Variants in LINGO2 observed in about 807,000 individuals in gnomAD.
LINGO2 encodes the protein leucine-rich repeat and immunoglobulin-like domain-containing nogo receptor-interacting protein 2.
A neutral mutation model predicts 30.6 loss-of-function variants in LINGO2; 14 were observed. The ratio of observed to expected loss-of-function variants is 0.46; its 90% confidence interval spans 0.30 to 0.72. The LOEUF (loss-of-function observed/expected upper bound fraction) is 0.72. Ranked by LOEUF, LINGO2 falls within the 30% of genes least tolerant of loss-of-function variation. The pLI, the probability that LINGO2 is intolerant of heterozygous loss-of-function variation, is 0.07. For missense variants in LINGO2, 729 were observed against 751.7 expected, an observed-to-expected ratio of 0.97 and a Z score of 0.35; for synonymous variants, 317 against 288.5, an observed-to-expected ratio of 1.10 and a Z score of -1.00.
chr9:28,433,949 C>CTCTCTATATATATATATATA (rs1225323260), intron 2 of LINGO2, among the ~76,000 whole-genome samples: 17 of 88,536 alleles, frequency 1.9e-4, no homozygotes, highest in African/African-American at 7.2e-4. Context: ...CTCTCTCTCT[C>CTCTCTATATATATATATATA]TATATATATA....
At chr9:28,477,031 AAG>A (rs1230926280) in intron 1 of LINGO2, among the ~76,000 whole-genome samples, 3 of 152,180 alleles carry the variant, frequency 2.0e-5, no homozygotes, top group Admixed American at 2.0e-4. Flanking sequence ...GAACCACAGA[AAG>A]AGAGAAAGAT....
chr9:28,361,342 G>A (rs998346227), intron 3 of LINGO2, among the ~76,000 whole-genome samples: 18 of 152,058 alleles, frequency 1.2e-4, no homozygotes, highest in Non-Finnish European at 2.5e-4. Flanking sequence ...TGTATGTATA[G>A]GGAAAAACAT....
chr9:29,185,008 C>T, the LINGO2 span, among the ~76,000 whole-genome samples: 1 of 152,120 alleles, frequency 6.6e-6, no homozygotes, highest in African/African-American at 2.4e-5. Flanking sequence ...TTGTTGTTTT[C>T]ATAAGTCTAA....
chr9:29,078,541 G>C, the LINGO2 span, among the ~76,000 whole-genome samples: 1 of 151,870 alleles, frequency 6.6e-6, no homozygotes, highest in Admixed American at 6.6e-5. Context: ...ACTGACATTG[G>C]TATTAGTCAT....
intron 2 of LINGO2, among the ~76,000 whole-genome samples, chr9:28,374,228 A>ATG (rs563394122): frequency 0.031 from 4,590 of 146,882 alleles, 108 homozygotes; most frequent in Middle Eastern, 0.1. Flanking sequence ...ATATATATAT[A>ATG]TATGTAATAT....
the LINGO2 span, among the ~76,000 whole-genome samples, chr9:28,998,698 G>T: frequency 6.6e-6 from 1 of 151,988 alleles, no homozygotes; most frequent in African/African-American, 2.4e-5. Flanking sequence ...ATGGAAAAGA[G>T]AACTCAACAT....
intron 5 of LINGO2, among the ~76,000 whole-genome samples, chr9:27,962,788 A>C (rs1282860022): frequency 2.0e-5 from 3 of 152,136 alleles, no homozygotes; most frequent in Non-Finnish European, 2.9e-5. Flanking sequence ...GTTTGACAAG[A>C]TGAATTTTGT....
chr9:27,984,234 C>T (rs902530817), intron 5 of LINGO2, among the ~76,000 whole-genome samples: 1 of 151,844 alleles, frequency 6.6e-6, no homozygotes, highest in African/African-American at 2.4e-5. Flanking sequence ...TGAAATTGAT[C>T]TATGAGGGTA....
chr9:28,313,487 G>A (rs1387575752), intron 3 of LINGO2, among the ~76,000 whole-genome samples: 1 of 152,172 alleles, frequency 6.6e-6, no homozygotes, highest in Non-Finnish European at 1.5e-5. Flanking sequence ...ATAGTTGACT[G>A]TGCCCCTTTT....
At chr9:28,002,007 G>A (rs897355353) in intron 5 of LINGO2, among the ~76,000 whole-genome samples, 9 of 152,184 alleles carry the variant, frequency 5.9e-5, no homozygotes, top group African/African-American at 1.7e-4. Context: ...CATAAAAGCT[G>A]CCCTATGGCA....
At chr9:28,026,091 T>A (rs988322637) in intron 4 of LINGO2, among the ~76,000 whole-genome samples, 1 of 152,150 alleles carries the variant, frequency 6.6e-6, no homozygotes, top group Non-Finnish European at 1.5e-5. Flanking sequence ...TCTACAACTG[T>A]TTGCTTTTAC....
intron 1 of LINGO2, among the ~76,000 whole-genome samples, chr9:28,526,732 T>G (rs1475922280): frequency 6.6e-6 from 1 of 152,188 alleles, no homozygotes; most frequent in South Asian, 2.1e-4. Context: ...TCAAGTACCT[T>G]AATTTGCTAA....
At chr9:29,167,378 C>A in the LINGO2 span, among the ~76,000 whole-genome samples, 2 of 152,140 alleles carry the variant, frequency 1.3e-5, no homozygotes, top group Admixed American at 6.5e-5. Flanking sequence ...GCATATCAAA[C>A]TGGCTGTCAC....
rs546082558 is a variant in LINGO2, at chr9:28,582,483, T to G, written c.-365+87717A>C. Among the ~76,000 whole-genome samples, 7 of 152,106 alleles carry G rather than the reference T, an allele frequency of 4.6e-5. No homozygotes were observed. The South Asian group carries it at 6.2e-4, about 14-fold the overall frequency. ...AGCAAGTTAGTAAAAATCTCAACCT[T>G]CTGAAACTCAACCTACCAGTGACAG... On this transcript the variant is annotated intron_variant, in intron 1 of 5. Transcript: ENST00000379992.
chr9:28,815,480 G>A, the LINGO2 span, among the ~76,000 whole-genome samples: 1 of 152,114 alleles, frequency 6.6e-6, no homozygotes, highest in Non-Finnish European at 1.5e-5. Flanking sequence ...TCTGGCTTCT[G>A]ATTGAAGACA....
chr9:28,516,524 T>A (rs1205983441), intron 1 of LINGO2, among the ~76,000 whole-genome samples: 3 of 152,194 alleles, frequency 2.0e-5, no homozygotes, highest in African/African-American at 7.2e-5. Flanking sequence ...ATGACTCCAC[T>A]TCTTCCTAGT....
At chr9:28,961,454 G>C in the LINGO2 span, among the ~76,000 whole-genome samples, 1 of 152,140 alleles carries the variant, frequency 6.6e-6, no homozygotes, top group Admixed American at 6.6e-5. Flanking sequence ...TTAAAAAGGA[G>C]TAAATGGAGT....
chr9:28,340,632 T>C (rs1428475661), intron 3 of LINGO2, among the ~76,000 whole-genome samples: 1 of 152,146 alleles, frequency 6.6e-6, no homozygotes, highest in Non-Finnish European at 1.5e-5. Flanking sequence ...CTCCCCTTTG[T>C]TGGTTTATTC....
chr9:28,196,841 C>G (rs945636545), intron 4 of LINGO2, among the ~76,000 whole-genome samples: 4 of 151,554 alleles, frequency 2.6e-5, no homozygotes, highest in African/African-American at 9.7e-5. Flanking sequence ...TATGTAGGAG[C>G]CAAAAAAATA....
Sources: gnomAD v4.1 joint callset for allele counts (sites outside exome capture counted in the v4.1 genomes callset) on GRCh38, gnomAD v4.1.1 for gene constraint, MANE v1.5 for transcripts, NCBI Gene and HGNC (gene_info 2026-07-23, HGNC 2026-07-21) for gene names.